Variants in SLC9A9 observed in about 807,000 individuals in gnomAD.
SLC9A9 encodes the protein solute carrier family 9 member A9, also known as sodium/hydrogen exchanger 9.
SLC9A9 carries 62 observed loss-of-function variants against 77.8 expected under a neutral mutation model. The ratio of observed to expected loss-of-function variants is 0.80; its 90% CI spans 0.65 to 0.98. The LOEUF is 0.98. Ranked by LOEUF, SLC9A9 falls within the 50% of genes least tolerant of loss-of-function variation. SLC9A9 has a pLI of 0.00. For missense variants in SLC9A9, 775 were observed against 774.9 expected, an observed-to-expected ratio of 1.00 and a Z score of 0.00; for synonymous variants, 320 against 283.5, an observed-to-expected ratio of 1.13 and a Z score of -1.29.
At chr3:143,825,326 G>A (rs1410602126) in intron 2 of SLC9A9, among the ~76,000 whole-genome samples, 1 of 151,656 alleles carries the variant, frequency 6.6e-6, no homozygotes, top group African/African-American at 2.4e-5. Flanking sequence ...GACTAGAAAT[G>A]CAAATGTAGT....
intron 14 of SLC9A9, among the ~76,000 whole-genome samples, chr3:143,283,962 T>C (rs1466439456): frequency 6.6e-6 from 1 of 152,140 alleles, no homozygotes; most frequent in Non-Finnish European, 1.5e-5. Flanking sequence ...TGACTCATGA[T>C]ATGATCATTC....
chr3:143,684,957 A>T (rs1933214887), intron 5 of SLC9A9, among the ~76,000 whole-genome samples: 2 of 152,250 alleles, frequency 1.3e-5, no homozygotes, highest in South Asian at 4.1e-4. Context: ...TCTGTAATTA[A>T]TACTGTATTT....
chr3:143,376,366 C>A (rs538231135), intron 13 of SLC9A9, among the ~76,000 whole-genome samples: 15 of 152,194 alleles, frequency 9.9e-5, no homozygotes, highest in Admixed American at 9.8e-4. Context: ...GAGAATGAAA[C>A]GGCTTTGGCC....
chr3:143,323,526 A>T (rs1197410406), intron 14 of SLC9A9, among the ~76,000 whole-genome samples: 1 of 152,174 alleles, frequency 6.6e-6, no homozygotes, highest in Non-Finnish European at 1.5e-5. Context: ...AATTGATTAC[A>T]TGGAGGTAGA....
intron 12 of SLC9A9, among the ~76,000 whole-genome samples, chr3:143,386,153 G>A (rs1176788888): frequency 1.3e-5 from 2 of 152,180 alleles, no homozygotes; most frequent in Non-Finnish European, 1.5e-5. Context: ...GACTTGGAGT[G>A]AAGTAGCTGT....
chr3:143,402,234 GAATA>G lies in SLC9A9; in HGVS notation c.1470-20124_1470-20121del, dbSNP rs1559900245. Among the ~76,000 whole-genome samples, 5 of 152,044 alleles carry G rather than the reference GAATA, an allele frequency of 3.3e-5. No homozygotes were observed. The South Asian group carries it at 1.0e-3, about 32-fold the overall frequency. ...AATTTGGCATGCTGCCTACCTCAAC[GAATA>G]AAAAGGAAGAAATTATAAAAATTTA... is the stretch of plus-strand genomic sequence containing the variant. On this transcript the variant is annotated intron_variant, in intron 12 of 15. Transcript: ENST00000316549.
At chr3:143,657,228 C>T (rs1240297313) in intron 5 of SLC9A9, among the ~76,000 whole-genome samples, 1 of 152,206 alleles carries the variant, frequency 6.6e-6, no homozygotes, top group Non-Finnish European at 1.5e-5. Flanking sequence ...ATCTACAAAG[C>T]TAATGACTAG....
intron 5 of SLC9A9, among the ~76,000 whole-genome samples, chr3:143,654,339 A>G (rs1357145472): frequency 6.6e-6 from 1 of 152,230 alleles, no homozygotes; most frequent in East Asian, 1.9e-4. Context: ...TGACATGACA[A>G]TTGGCCAGAT....
chr3:143,662,519 T>G (rs1286916681), intron 5 of SLC9A9, among the ~76,000 whole-genome samples: 1 of 152,032 alleles, frequency 6.6e-6, no homozygotes, highest in Admixed American at 6.5e-5. Context: ...ACCCGAGAAG[T>G]GCAAGGGGTC....
At chr3:143,838,726 G>C (rs971141303) in intron 1 of SLC9A9, among the ~76,000 whole-genome samples, 1 of 152,088 alleles carries the variant, frequency 6.6e-6, no homozygotes, top group African/African-American at 2.4e-5. Context: ...TTAAGGCAGG[G>C]AATCTGTGAC....
At chr3:143,802,148 C>A (rs1200193944) in intron 2 of SLC9A9, among the ~76,000 whole-genome samples, 2 of 152,194 alleles carry the variant, frequency 1.3e-5, no homozygotes, top group Non-Finnish European at 2.9e-5. Context: ...AAACTCCCAC[C>A]TGTCAATCTC....
intron 2 of SLC9A9, among the ~76,000 whole-genome samples, chr3:143,820,039 A>C (rs2009126381): frequency 1.3e-5 from 2 of 152,258 alleles, no homozygotes; most frequent in African/African-American, 4.8e-5. Context: ...GTAACACTTA[A>C]TATACTTTGA....
intron 9 of SLC9A9, among the ~76,000 whole-genome samples, chr3:143,525,838 G>T (rs1353243453): frequency 6.6e-6 from 1 of 152,092 alleles, no homozygotes; most frequent in African/African-American, 2.4e-5. Flanking sequence ...AGAAAAAAGA[G>T]AAATTAAAAT....
chr3:143,362,302 A>G (rs928963030), intron 14 of SLC9A9, among the ~76,000 whole-genome samples: 18 of 152,102 alleles, frequency 1.2e-4, no homozygotes, highest in African/African-American at 4.3e-4. Flanking sequence ...CAAAACTCTA[A>G]CCTCAAAAAC....
intron 5 of SLC9A9, among the ~76,000 whole-genome samples, chr3:143,665,006 C>A (rs187602998): frequency 4.3e-4 from 65 of 152,356 alleles, no homozygotes; most frequent in African/African-American, 1.5e-3. Context: ...CTACAGAACT[C>A]TCCACCCCAA....
chr3:143,825,061 T>C (rs2009264347), intron 2 of SLC9A9, among the ~76,000 whole-genome samples: 1 of 152,186 alleles, frequency 6.6e-6, no homozygotes, highest in African/African-American at 2.4e-5. Context: ...AAAGGAAGAA[T>C]AATTGATAGT....
chr3:143,682,031 G>C (rs10513216), intron 5 of SLC9A9, among the ~76,000 whole-genome samples: 130,269 of 152,190 alleles, frequency 0.86, 56,479 homozygotes, highest in South Asian at 0.94. Context: ...CTAAAGACTT[G>C]TTTGAAACTG....
chr3:143,468,213 A>G (rs143710718), intron 11 of SLC9A9, among the ~76,000 whole-genome samples: 1 of 152,308 alleles, frequency 6.6e-6, no homozygotes, highest in African/African-American at 2.4e-5. Flanking sequence ...GTAGTATAGT[A>G]TTTGCATATT....
chr3:143,834,127 T>C (rs2009506849), intron 1 of SLC9A9, among the ~76,000 whole-genome samples: 1 of 152,234 alleles, frequency 6.6e-6, no homozygotes, highest in Non-Finnish European at 1.5e-5. Flanking sequence ...TTCAAGAATA[T>C]TTTTATTTTA....
Sources: allele counts gnomAD v4.1 joint callset (sites outside exome capture counted in the v4.1 genomes callset), GRCh38; gene constraint gnomAD v4.1.1; transcripts MANE v1.5; gene names NCBI Gene and HGNC (gene_info 2026-07-23, HGNC 2026-07-21).